Variants in RPP30 observed in about 807,000 individuals in gnomAD.
RPP30 encodes ribonuclease P protein subunit p30.
In RPP30, 36 loss-of-function variants were observed where a neutral mutation model predicts 38.6. The observed-to-expected ratio is 0.93, with a 90% CI of 0.71 to 1.23. The LOEUF (loss-of-function observed/expected upper bound fraction) is 1.23. RPP30 is among the 50% of genes most tolerant of loss of function. The pLI, the probability that RPP30 is intolerant of heterozygous loss-of-function variation, is 0.00. For missense variants in RPP30, 321 were observed against 321.7 expected (o/e 1.00, Z 0.02); for synonymous variants, 126 against 112.7 (o/e 1.12, Z -0.75).
intron 10 of RPP30, among the ~76,000 whole-genome samples, chr10:90,898,176 T>C (rs1310564307): frequency 1.3e-5 from 2 of 152,188 alleles, no homozygotes; most frequent in Admixed American, 1.3e-4. Context: ...AGTGAGAACA[T>C]GTGATGTTTG....
intron 3 of RPP30, 52 bp from the exon 4 acceptor site, chr10:90,875,972 A>C: frequency 9.4e-7 from 1 of 1,068,528 alleles, no homozygotes; most frequent in Admixed American, 1.7e-5. Flanking sequence ...GTAAAAAGGA[A>C]AATCAATTAT....
At chr10:90,881,905 A>C (rs970434460) in intron 5 of RPP30, among the ~76,000 whole-genome samples, 3 of 152,192 alleles carry the variant, frequency 2.0e-5, no homozygotes, top group Non-Finnish European at 4.4e-5. Context: ...TGTCAATAGT[A>C]GTATAAAATC....
At chr10:90,907,107 TCTC>T (rs1847261860), downstream of RPP30, among the ~76,000 whole-genome samples, 1 of 152,214 alleles carries the variant, frequency 6.6e-6, no homozygotes, top group Admixed American at 6.5e-5. Context: ...AACTCTTTAT[TCTC>T]TTCTCTCGTG....
Position 90,901,885 on chromosome 10 carries a change from C to G in RPP30, c.*1206C>G. ...CCAGGCTGGAGTGCAGTGGCTCGATCTCTGCTCACTGCAAGCTCCGCCTCC... is the reference window on the plus strand; with the variant it reads ...CCAGGCTGGAGTGCAGTGGCTCGATGTCTGCTCACTGCAAGCTCCGCCTCC... On this transcript the variant is annotated 3_prime_UTR_variant, in exon 11 of 11. Transcript: ENST00000371703. The G allele has an allele frequency of 1.6e-6, 1 of 620,576 alleles. No homozygotes were observed. The highest frequency in any genetic ancestry group is 2.0e-6 in the Non-Finnish European group (1 of 500,948). The allele number at this position is 620,576 out of a possible 1,614,324, so 38.4% of individuals were successfully genotyped here. A position where few individuals can be genotyped will look rare whatever the true frequency, so the allele number is the denominator to read the frequency against.
At chr10:90,894,963 A>T (rs758631545) in intron 7 of RPP30, 72 bp downstream of exon 7, 2 of 1,021,126 alleles carry the variant, frequency 2.0e-6, no homozygotes, top group East Asian at 4.8e-5. Context: ...GGAATTGTCA[A>T]ACTGACTCCT....
intron 6 of RPP30, among the ~76,000 whole-genome samples, chr10:90,890,891 C>A (rs1172439458): frequency 1.3e-5 from 2 of 151,774 alleles, no homozygotes; most frequent in African/African-American, 2.4e-5. Context: ...AAAGGAAATG[C>A]AAACAGGCCT....
intron 6 of RPP30, among the ~76,000 whole-genome samples, chr10:90,892,266 G>A (rs1457254302): frequency 1.3e-5 from 2 of 152,086 alleles, no homozygotes; most frequent in Non-Finnish European, 2.9e-5. Flanking sequence ...GCATCAAAAT[G>A]GTCTTACAGC....
intron 9 of RPP30, 142 bp downstream of exon 9, chr10:90,896,059 A>G: frequency 1.4e-6 from 1 of 697,922 alleles, no homozygotes; most frequent in East Asian, 2.7e-5. Flanking sequence ...AAATTATATA[A>G]CATTATAGAG....
Position 90,894,781 on chromosome 10 carries a change from G to T in RPP30, c.439G>T (p.Asp147Tyr). Reference sequence around the variant, plus strand: ...CTCTTTATTTCCTGTGAAGGCGATTGACCGAGGCCTGGCTTTTGAACTTGT... The same window carrying T: ...CTCTTTATTTCCTGTGAAGGCGATTTACCGAGGCCTGGCTTTTGAACTTGT... The part of the protein sequence containing the change: ...FKRPPINVAI[D>Y]RGLAFELVYS... The change falls in exon 7 of 11, where the codon GAC becomes TAC. Residue 147 changes from aspartate to tyrosine, a missense_variant. Coordinates refer to ENST00000371703, the MANE Select transcript of RPP30 (RefSeq NM_006413.5). The T allele has an allele frequency of 1.2e-6, 2 of 1,611,418 alleles. No homozygotes were observed. Among genetic ancestry groups the T allele is most frequent in the South Asian group, 2.2e-5 (2 of 90,860 alleles).
At chr10:90,886,545 C>T (rs1251474857) in intron 6 of RPP30, among the ~76,000 whole-genome samples, 2 of 152,146 alleles carry the variant, frequency 1.3e-5, no homozygotes, top group Non-Finnish European at 1.5e-5. Context: ...AATTTCCTCC[C>T]ATTTCCATCA....
chr10:90,876,121 C>T (rs77229795), intron 4 of RPP30, 23 bp downstream of exon 4: 1 of 1,413,468 alleles, frequency 7.1e-7, no homozygotes, highest in East Asian at 2.3e-5. Context: ...TTTTTCTTCT[C>T]TCCTTTTGGC....
intron 7 of RPP30, 51 bp downstream of exon 7, chr10:90,894,942 A>G: frequency 8.5e-7 from 1 of 1,181,476 alleles, no homozygotes; most frequent in Non-Finnish European, 1.3e-6. Flanking sequence ...GTTTATTATT[A>G]GTAGTACACT....
At position 90,900,954 on chromosome 10, in the gene RPP30, T is replaced by C; in HGVS notation, c.*275T>C. 1 of 1,110,726 alleles carries C rather than the reference T, an allele frequency of 9.0e-7. No individual in the cohort carries two copies. Among genetic ancestry groups the C allele is most frequent in the Non-Finnish European group, 1.1e-6 (1 of 910,176 alleles). 68.8% of individuals were successfully genotyped at this position (1,110,726 alleles called of 1,614,324 possible). ...TGTAAGTGATAAACAACAGCAAATA[T>C]ACTTGAATAAAATGTTTCAGGTATT... On this transcript the variant is annotated 3_prime_UTR_variant, in exon 11 of 11. Transcript: ENST00000371703.
intron 6 of RPP30, among the ~76,000 whole-genome samples, chr10:90,892,994 A>C (rs1266224343): frequency 6.6e-6 from 1 of 152,250 alleles, no homozygotes; most frequent in African/African-American, 2.4e-5. Flanking sequence ...ACGTTCAACT[A>C]GGACAGAAAT....
intron 4 of RPP30, among the ~76,000 whole-genome samples, chr10:90,876,542 C>T (rs1034268671): frequency 9.9e-5 from 15 of 152,198 alleles, no homozygotes; most frequent in East Asian, 1.9e-4. Flanking sequence ...AGTTGATATT[C>T]AAGCTGGGAG....
At chr10:90,905,707 G>T (rs1236364891), downstream of RPP30, 1 of 152,132 alleles carries the variant, frequency 6.6e-6, no homozygotes, top group Non-Finnish European at 1.5e-5. Flanking sequence ...AATATATCTG[G>T]CTGATCAGGT....
At chr10:90,888,383 T>G (rs918177547) in intron 6 of RPP30, among the ~76,000 whole-genome samples, 1 of 152,178 alleles carries the variant, frequency 6.6e-6, no homozygotes, top group African/African-American at 2.4e-5. Flanking sequence ...GCTGCTTTGG[T>G]GAGAGCTTTT....
At chr10:90,893,535 G>A (rs1014867569) in intron 6 of RPP30, among the ~76,000 whole-genome samples, 30 of 152,070 alleles carry the variant, frequency 2.0e-4, no homozygotes, top group African/African-American at 6.8e-4. Context: ...TCTCCATTAG[G>A]AATAATCCTC....
rs59418716 is a variant in RPP30 at position 90,901,140 on chromosome 10, ATTTTTTTTTT to A, written c.*474_*483del. The A allele has an allele frequency of 1.7e-5, 2 of 120,004 alleles. No homozygotes were observed. Among genetic ancestry groups the A allele is most frequent in the Admixed American group, 1.0e-4 (1 of 9,826 alleles). The allele number at this position is 120,004 out of a possible 1,614,324, so 7.4% of individuals were successfully genotyped here. A position where few individuals can be genotyped will look rare whatever the true frequency, so the allele number is the denominator to read the frequency against. On this transcript the variant is annotated 3_prime_UTR_variant, in exon 11 of 11. Transcript: ENST00000371703. ...CAGGTGTGCACTACCACACCTGGCT[ATTTTTTTTTT>A]TTTTTTTTTTTTCCCTTGTAGAGAC...
Sources: allele counts gnomAD v4.1 joint callset (sites outside exome capture counted in the v4.1 genomes callset), GRCh38; gene constraint gnomAD v4.1.1; transcripts MANE v1.5; gene names NCBI Gene and HGNC (gene_info 2026-07-23, HGNC 2026-07-21).